Variants in CSMD1 observed in about 807,000 individuals in gnomAD.
CSMD1 encodes CUB and sushi domain-containing protein 1.
Under a neutral mutation model 417.5 loss-of-function variants are expected in CSMD1, and 213 were observed. That is an observed-to-expected ratio of 0.51 (90% CI 0.46 to 0.57). CSMD1 has a LOEUF of 0.57. CSMD1 is among the 20% of genes least tolerant of loss of function. The pLI is 0.00. For synonymous variants in CSMD1, 2,862 were observed against 1,736.8 expected (o/e 1.65, Z -16.11); for missense variants, 6,923 against 4,529.7 (o/e 1.53, Z -15.17).
At chr8:3,893,339 T>TTATATATATAGATATATATATATATATA (rs1807115400) in intron 5 of CSMD1, among the ~76,000 whole-genome samples, 1 of 80,440 alleles carries the variant, frequency 1.2e-5, no homozygotes, top group African/African-American at 3.6e-5. Context: ...ATTCACAATT[T>TTATATATATAGATATATATATATATATA]TATATATATA....
intron 3 of CSMD1, among the ~76,000 whole-genome samples, chr8:4,419,413 GAT>G (rs1182328480): frequency 6.6e-6 from 1 of 152,108 alleles, no homozygotes; most frequent in African/African-American, 2.4e-5. Context: ...TTTTAATAAT[GAT>G]AGCAATACCT....
At chr8:3,149,960 A>T (rs2129035121) in intron 40 of CSMD1, among the ~76,000 whole-genome samples, 1 of 152,270 alleles carries the variant, frequency 6.6e-6, no homozygotes, top group African/African-American at 2.4e-5. Flanking sequence ...GTGCTGTGTA[A>T]ACTATCCCGG....
chr8:4,078,498 T>G (rs956827121), intron 3 of CSMD1, among the ~76,000 whole-genome samples: 13 of 151,764 alleles, frequency 8.6e-5, no homozygotes, highest in Non-Finnish European at 1.9e-4. Flanking sequence ...TCTCCTGACC[T>G]TGTGATCTGC....
At chr8:3,208,337 G>A (rs191082332) in intron 30 of CSMD1, among the ~76,000 whole-genome samples, 333 of 152,274 alleles carry the variant, frequency 2.2e-3, no homozygotes, top group African/African-American at 7.8e-3. Context: ...TGTGATGTCA[G>A]CTCACTGCAA....
intron 11 of CSMD1, among the ~76,000 whole-genome samples, chr8:3,484,046 A>G (rs1307395041): frequency 1.3e-5 from 2 of 152,198 alleles, no homozygotes; most frequent in Non-Finnish European, 2.9e-5. Flanking sequence ...CAATGTTTTT[A>G]TACATTGCTG....
intron 31 of CSMD1, among the ~76,000 whole-genome samples, chr8:3,203,180 A>G (rs1279637780): frequency 1.3e-5 from 2 of 152,226 alleles, no homozygotes; most frequent in East Asian, 1.9e-4. Context: ...TAGGACTATC[A>G]TGCTCTAACG....
At chr8:4,859,852 C>A (rs1328132755) in intron 1 of CSMD1, among the ~76,000 whole-genome samples, 1 of 152,050 alleles carries the variant, frequency 6.6e-6, no homozygotes, top group African/African-American at 2.4e-5. Context: ...GTCAGTGTGG[C>A]GATTCCTCAG....
chr8:3,657,469 G>A lies in CSMD1; in HGVS notation c.1010-40672C>T, dbSNP rs190189117. On this transcript the variant is annotated intron_variant, in intron 7 of 69. Coordinates refer to ENST00000635120, the MANE Select transcript of CSMD1 (RefSeq NM_033225.6). The stretch of plus-strand genomic sequence containing the variant: ...CCAAATGCCCATCAATGATAGACTG[G>A]ATAAAGAAAATGTGTCACATATACA... Among the ~76,000 whole-genome samples, 55 of 152,202 alleles carry A rather than the reference G, an allele frequency of 3.6e-4. 1 individual carries two copies. Among genetic ancestry groups the A allele is most frequent in the East Asian group, 1.5e-3 (8 of 5,176 alleles).
At chr8:4,300,393 A>T (rs1217501002) in intron 3 of CSMD1, among the ~76,000 whole-genome samples, 1 of 152,154 alleles carries the variant, frequency 6.6e-6, no homozygotes, top group East Asian at 1.9e-4. Flanking sequence ...TGCTCCATCA[A>T]CCTCAAGACA....
At chr8:3,911,929 G>A (rs565034218) in intron 5 of CSMD1, among the ~76,000 whole-genome samples, 16 of 152,214 alleles carry the variant, frequency 1.1e-4, no homozygotes, top group Admixed American at 1.3e-4. Flanking sequence ...TCTCCTCTAT[G>A]TGTTTTCCCT....
chr8:4,139,481 G>A (rs1803645627), intron 3 of CSMD1, among the ~76,000 whole-genome samples: 4 of 151,410 alleles, frequency 2.6e-5, no homozygotes, highest in Non-Finnish European at 5.9e-5. Flanking sequence ...CAGTGAGGAA[G>A]GTGGCGTGGA....
At chr8:3,026,404 G>A (rs534136613) in intron 51 of CSMD1, among the ~76,000 whole-genome samples, 1 of 151,158 alleles carries the variant, frequency 6.6e-6, no homozygotes, top group Admixed American at 6.6e-5. Flanking sequence ...GCCTCACTGG[G>A]CCTGACTGGA....
chr8:3,029,353 C>G lies in CSMD1; in HGVS notation c.7821G>C (p.Thr2607=), dbSNP rs746936196. 1 of 1,610,820 alleles carries G rather than the reference C, an allele frequency of 6.2e-7. No homozygotes were observed. The highest frequency in any genetic ancestry group is 2.2e-5 in the East Asian group (1 of 44,772). The stretch of plus-strand genomic sequence containing the variant: ...TTGGCCTCTCATCTCCTATGTTCCA[C>G]GTCCCATTGGCCTGGCACCGCAGGA... ...WRLLRCQANG[T]WNIGDERPSC... The change falls in exon 51 of 70, where the codon ACG becomes ACC. Residue 2607 remains threonine (T), a synonymous_variant. Coordinates refer to ENST00000635120, the MANE Select transcript of CSMD1 (RefSeq NM_033225.6).
intron 7 of CSMD1, among the ~76,000 whole-genome samples, chr8:3,668,032 C>T (rs936657000): frequency 1.3e-5 from 2 of 152,158 alleles, no homozygotes; most frequent in Non-Finnish European, 2.9e-5. Flanking sequence ...GCTTCTCCCC[C>T]AGTCCCCATC....
chr8:4,966,356 G>T (rs1027355969), intron 1 of CSMD1, among the ~76,000 whole-genome samples: 1 of 152,122 alleles, frequency 6.6e-6, no homozygotes, highest in Non-Finnish European at 1.5e-5. Context: ...TCCAGCCTGG[G>T]CAACAAGAGT....
In CSMD1 at chr8:4,101,778, C is replaced by G. The variant is rs561259247; in HGVS notation, c.416-69679G>C. Among the ~76,000 whole-genome samples the G allele has an allele frequency of 1.4e-4, 22 of 152,302 alleles. No individual in the cohort carries two copies. The South Asian group carries it at 4.1e-3, about 29-fold the overall frequency. ...AAGCTTTTGCTTAGGACAGCAAATG[C>G]TGGGTACAGAAGTCTGTGAGTTCAA... On this transcript the variant is annotated intron_variant, in intron 3 of 69. Transcript: ENST00000635120.
intron 3 of CSMD1, among the ~76,000 whole-genome samples, chr8:4,241,910 G>C (rs1802428944): frequency 6.6e-6 from 1 of 152,124 alleles, no homozygotes; most frequent in Non-Finnish European, 1.5e-5. Context: ...AGACAACATC[G>C]TGAAGCTATT....
chr8:4,546,559 C>T (rs759027202), intron 2 of CSMD1, among the ~76,000 whole-genome samples: 3 of 152,268 alleles, frequency 2.0e-5, no homozygotes, highest in East Asian at 3.9e-4. Context: ...CCTAGTACAT[C>T]AGCACTTCTG....
At chr8:3,241,419 C>T (rs1799510867) in intron 26 of CSMD1, among the ~76,000 whole-genome samples, 1 of 152,098 alleles carries the variant, frequency 6.6e-6, no homozygotes, top group African/African-American at 2.4e-5. Context: ...TGAGAGTTAC[C>T]TAAAGCTCGG....
Sources: allele counts gnomAD v4.1 joint callset (sites outside exome capture counted in the v4.1 genomes callset), GRCh38; gene constraint gnomAD v4.1.1; transcripts MANE v1.5; gene names NCBI Gene and HGNC (gene_info 2026-07-23, HGNC 2026-07-21).